Variants in NTNG1 observed in about 807,000 individuals in gnomAD.
NTNG1 encodes netrin-G1.
NTNG1 carries 16 observed loss-of-function variants against 54.0 expected under a neutral mutation model. That is an observed-to-expected ratio of 0.30 (90% CI 0.20 to 0.45). NTNG1 has a LOEUF of 0.45. Among genes scored for constraint, NTNG1 ranks in the 20% least tolerant of loss-of-function variants. The probability of loss-of-function intolerance (pLI) is 1.00; values close to 1 mark genes in which losing one functional copy is unlikely to be tolerated. For synonymous variants in NTNG1, 255 were observed against 263.1 expected (o/e 0.97, Z 0.30); for missense variants, 530 against 678.7 (o/e 0.78, Z 2.43).
At chr1:107,271,531 AAG>A (rs1664144002) in intron 2 of NTNG1, among the ~76,000 whole-genome samples, 1 of 152,238 alleles carries the variant, frequency 6.6e-6, no homozygotes, top group South Asian at 2.1e-4. Flanking sequence ...GCAGACATCA[AAG>A]ATTTTAATAA....
At chr1:107,280,035 GT>G (rs1664730903) in intron 2 of NTNG1, among the ~76,000 whole-genome samples, 2 of 4,398 alleles carry the variant, frequency 4.5e-4, no homozygotes, top group African/African-American at 1.2e-3. Context: ...TCCTTTGTTG[GT>G]GTGTGTGTGT....
intron 2 of NTNG1, among the ~76,000 whole-genome samples, chr1:107,243,940 A>G (rs185563665): frequency 1.2e-4 from 19 of 152,340 alleles, no homozygotes; most frequent in Admixed American, 1.2e-3. Flanking sequence ...TAAAGTGGCT[A>G]CAGAAAATGT....
chr1:107,433,310 C>T (rs547141978), intron 6 of NTNG1, among the ~76,000 whole-genome samples: 6 of 152,134 alleles, frequency 3.9e-5, no homozygotes, highest in South Asian at 4.1e-4. Flanking sequence ...TTAGAAGGCC[C>T]GGGCAGGTGG....
At chr1:107,375,370 G>A (rs1484616320) in intron 3 of NTNG1, among the ~76,000 whole-genome samples, 1 of 152,136 alleles carries the variant, frequency 6.6e-6, no homozygotes, top group African/African-American at 2.4e-5. Context: ...CTTACCTGAT[G>A]TCTTAAAAAC....
intron 2 of NTNG1, among the ~76,000 whole-genome samples, chr1:107,288,242 G>T (rs919263909): frequency 2.6e-5 from 4 of 152,114 alleles, no homozygotes; most frequent in Non-Finnish European, 5.9e-5. Flanking sequence ...GAACATAAGG[G>T]TCTAGGAGGA....
chr1:107,443,380 T>C lies in NTNG1; in HGVS notation c.1390+6581T>C, dbSNP rs1175065561. On this transcript the variant is annotated intron_variant, in intron 7 of 7. Coordinates refer to ENST00000370068, the MANE Select transcript of NTNG1 (RefSeq NM_001113226.3). ...TTCCTATCAAACTCTTCTATTACTA[T>C]AGTTCAGGAGGTTTTCTTTTTTTCT... 1.9e-4 allele frequency among the ~76,000 whole-genome samples: 19 copies of C among 101,290 alleles called. No individual in the cohort carries two copies. The Admixed American group carries it at 2.2e-3, about 12-fold the overall frequency. 66.5% of individuals were successfully genotyped at this position (101,290 alleles called of 152,430 possible).
At chr1:107,209,742 C>T (rs1033475287) in intron 2 of NTNG1, among the ~76,000 whole-genome samples, 1 of 152,114 alleles carries the variant, frequency 6.6e-6, no homozygotes, top group Non-Finnish European at 1.5e-5. Context: ...TTGCAAAAAG[C>T]CTGTTTGTAC....
At chr1:107,245,646 C>T (rs998091980) in intron 2 of NTNG1, among the ~76,000 whole-genome samples, 6 of 152,092 alleles carry the variant, frequency 3.9e-5, no homozygotes, top group East Asian at 1.9e-4. Flanking sequence ...ATTTACAGAA[C>T]GTTAATCTAG....
intron 2 of NTNG1, among the ~76,000 whole-genome samples, chr1:107,207,754 A>G (rs1041245136): frequency 1.3e-5 from 2 of 152,206 alleles, no homozygotes; most frequent in Admixed American, 6.5e-5. Flanking sequence ...CTGTGAAGTG[A>G]TAAGAGATAC....
chr1:107,199,847 T>TA (rs11403904), intron 2 of NTNG1, among the ~76,000 whole-genome samples: 148,820 of 151,818 alleles, frequency 0.98, 73,008 homozygotes, highest in East Asian at 1. Flanking sequence ...TTGTCATCCT[T>TA]AAAAAATACA....
At chr1:107,476,882 C>T (rs1678367507) in intron 7 of NTNG1, among the ~76,000 whole-genome samples, 1 of 152,210 alleles carries the variant, frequency 6.6e-6, no homozygotes, top group Non-Finnish European at 1.5e-5. Flanking sequence ...GCAGTCCATG[C>T]ATCATTCACT....
chr1:107,236,072 A>G (rs1321277319), intron 2 of NTNG1, among the ~76,000 whole-genome samples: 2 of 152,208 alleles, frequency 1.3e-5, no homozygotes, highest in African/African-American at 4.8e-5. Flanking sequence ...ATGTGTGCAC[A>G]CACACACAGA....
intron 7 of NTNG1, among the ~76,000 whole-genome samples, chr1:107,476,648 C>A (rs1294365015): frequency 6.6e-6 from 1 of 152,194 alleles, no homozygotes; most frequent in Non-Finnish European, 1.5e-5. Context: ...CTTCCCTTCA[C>A]CATTGTTCTA....
intron 2 of NTNG1, among the ~76,000 whole-genome samples, chr1:107,236,004 C>T (rs891115260): frequency 6.6e-6 from 1 of 152,142 alleles, no homozygotes; most frequent in African/African-American, 2.4e-5. Flanking sequence ...CTGTAAGACA[C>T]AGAATCTCAA....
chr1:107,424,312 T>G (rs1674750490), intron 5 of NTNG1, among the ~76,000 whole-genome samples: 1 of 152,020 alleles, frequency 6.6e-6, no homozygotes. Context: ...AAGAGCAACA[T>G]GGAGGCACTG....
Position 107,295,804 on chromosome 1 carries a change from T to C in NTNG1, c.247-28478T>C, listed in dbSNP as rs183853516. Among the ~76,000 whole-genome samples the C allele has an allele frequency of 2.0e-5, 3 of 152,140 alleles. No individual in the cohort carries two copies. In the East Asian group the frequency reaches 5.8e-4, roughly 29 times the overall value. Reference sequence around the variant, plus strand: ...AAGTAAATGATGACAGAATCAAGAATCAAAACTGTGTTTCAAGTAGTATTA... The same window carrying C: ...AAGTAAATGATGACAGAATCAAGAACCAAAACTGTGTTTCAAGTAGTATTA... On this transcript the variant is annotated intron_variant, in intron 2 of 7. Transcript: ENST00000370068.
At chr1:107,444,301 T>A (rs565871222) in intron 7 of NTNG1, among the ~76,000 whole-genome samples, 3 of 152,282 alleles carry the variant, frequency 2.0e-5, no homozygotes, top group African/African-American at 7.2e-5. Context: ...TCAGGGCTTA[T>A]GCTGTGGAAA....
rs188425936 is a variant in NTNG1 at position 107,244,023 on chromosome 1, C to A, written c.247-80259C>A. The stretch of plus-strand genomic sequence containing the variant: ...ACTTGGAGGCAAATTAACCACTTAG[C>A]AATAGAGCATCTTTCAATCCATGGC... On this transcript the variant is annotated intron_variant, in intron 2 of 7. Transcript: ENST00000370068. 5.3e-5 allele frequency among the ~76,000 whole-genome samples: 8 copies of A among 152,242 alleles called. No homozygotes were observed. In the East Asian group the frequency reaches 1.5e-3, roughly 29 times the overall value.
At chr1:107,246,532 A>T (rs1662214800) in intron 2 of NTNG1, among the ~76,000 whole-genome samples, 1 of 152,006 alleles carries the variant, frequency 6.6e-6, no homozygotes, top group South Asian at 2.1e-4. Flanking sequence ...ACCTCAATTG[A>T]TGTAGTAGTC....
Sources: allele counts gnomAD v4.1 joint callset (sites outside exome capture counted in the v4.1 genomes callset), GRCh38; gene constraint gnomAD v4.1.1; transcripts MANE v1.5; gene names NCBI Gene and HGNC (gene_info 2026-07-23, HGNC 2026-07-21).